The following ZNF705B variants were observed in gnomAD, a reference collection of about 807,000 sequenced individuals.
The protein encoded by ZNF705B is Putative zinc finger protein 705D-like protein LOC100132396.
ZNF705B carries 1 observed loss-of-function variant against 10.5 expected under a neutral mutation model. The observed-to-expected ratio is 0.10, with a 90% CI of 0.03 to 0.45. The LOEUF (loss-of-function observed/expected upper bound fraction) is 0.45, where lower values mean the gene tolerates loss of function less well. ZNF705B is among the 20% of genes least tolerant of loss of function. ZNF705B has a pLI of 0.97. For missense variants in ZNF705B, 14 were observed against 84.0 expected (o/e 0.17, Z 3.26); for synonymous variants, 4 against 25.4 (o/e 0.16, Z 2.53).
Position 7,940,220 on chromosome 8 carries a change from C to T in ZNF705B, c.-71-7131C>T, listed in dbSNP as rs1193334641. Among the ~76,000 whole-genome samples, 40 of 146,114 alleles carry T rather than the reference C, an allele frequency of 2.7e-4. 1 individual carries two copies. Among genetic ancestry groups the T allele is most frequent in the Admixed American group, 4.1e-4 (6 of 14,506 alleles). Reference sequence around the variant, plus strand: ...GAGAAAAAAACAAGGGAACATCTACCCCTCCTTTTAAGTTTTTTAACCAAC... The same window carrying T: ...GAGAAAAAAACAAGGGAACATCTACTCCTCCTTTTAAGTTTTTTAACCAAC... On this transcript the variant is annotated intron_variant, in intron 2 of 6. Transcript: ENST00000400120.
chr8:7,926,883 T>A (rs1188846652), intron 1 of ZNF705B, among the ~76,000 whole-genome samples: 1 of 112,386 alleles, frequency 8.9e-6, no homozygotes, highest in Non-Finnish European at 2.1e-5. Context: ...TCTTTCTTTT[T>A]TAGCAAGAAA....
intron 2 of ZNF705B, among the ~76,000 whole-genome samples, chr8:7,931,228 G>A (rs1299608028): frequency 4.2e-4 from 51 of 121,266 alleles, no homozygotes; most frequent in African/African-American, 9.3e-4. Flanking sequence ...TGTAGCATCA[G>A]CAATTGCAGT....
At chr8:7,941,060 G>T (rs2739922) in intron 2 of ZNF705B, among the ~76,000 whole-genome samples, 3 of 146,342 alleles carry the variant, frequency 2.0e-5, no homozygotes, top group Admixed American at 6.9e-5. Context: ...TGGTGTATAC[G>T]TACCACATTT....
chr8:7,936,756 C>A (rs1380181506), intron 2 of ZNF705B, among the ~76,000 whole-genome samples: 1 of 119,904 alleles, frequency 8.3e-6, no homozygotes, highest in African/African-American at 2.6e-5. Context: ...TGAAAAGCTA[C>A]TCTTTGGGTA....
At chr8:7,934,696 G>GTGTGTGTGTGTGTGTC in intron 2 of ZNF705B, 1 of 32,108 alleles carries the variant, frequency 3.1e-5, no homozygotes, top group African/African-American at 1.1e-4. Context: ...GTGTGTCTGT[G>GTGTGTGTGTGTGTGTC]TGTGTGTGTG....
chr8:7,926,979 A>G (rs533597844), intron 1 of ZNF705B, among the ~76,000 whole-genome samples: 1 of 117,476 alleles, frequency 8.5e-6, no homozygotes, highest in South Asian at 3.0e-4. Flanking sequence ...TGACTTGCTC[A>G]GAGAAAATAT....
chr8:7,929,485 G>A (rs1333434769), intron 1 of ZNF705B, among the ~76,000 whole-genome samples: 1 of 121,010 alleles, frequency 8.3e-6, no homozygotes, highest in African/African-American at 2.5e-5. Flanking sequence ...GGGAAAAAAA[G>A]GCACCAAACC....
chr8:7,932,204 C>G (rs1239858147), intron 2 of ZNF705B, among the ~76,000 whole-genome samples: 4 of 121,222 alleles, frequency 3.3e-5, no homozygotes, highest in African/African-American at 1.0e-4. Flanking sequence ...GAATATGGAC[C>G]ACTGGGGCTC....
chr8:7,948,866 A>G (rs1270057476), intron 3 of ZNF705B, among the ~76,000 whole-genome samples: 1 of 75,830 alleles, frequency 1.3e-5, no homozygotes. Context: ...TGATTAACAC[A>G]TTACTGAAAA....
rs1357085926 is a variant in ZNF705B, at chr8:7,930,834, GTTA to G, written c.-72+401_-72+403del. Among the ~76,000 whole-genome samples, 3 of 90,734 alleles carry G rather than the reference GTTA, an allele frequency of 3.3e-5. 1 individual carries two copies. The highest frequency in any genetic ancestry group is 5.3e-5 in the Non-Finnish European group (2 of 37,790). 59.5% of individuals were successfully genotyped at this position (90,734 alleles called of 152,430 possible). Reference sequence around the variant, plus strand: ...AGACATCACGGCAAAGATGTGTTGTGTTATTTTTTTTGTTTTTTTTTTTGTTGT... The same window carrying G: ...AGACATCACGGCAAAGATGTGTTGTGTTTTTTTTGTTTTTTTTTTTGTTGT... On this transcript the variant is annotated intron_variant, in intron 2 of 6. Transcript: ENST00000400120.
chr8:7,930,817 C>T (rs1311886517), intron 2 of ZNF705B, among the ~76,000 whole-genome samples: 8 of 112,290 alleles, frequency 7.1e-5, no homozygotes, highest in African/African-American at 1.3e-4. Context: ...CCAGACATCA[C>T]GGCAAAGATG....
chr8:7,940,425 T>TA (rs552562431), intron 2 of ZNF705B, among the ~76,000 whole-genome samples: 187 of 130,354 alleles, frequency 1.4e-3, no homozygotes, highest in South Asian at 4.4e-3. Context: ...TTATTATTAT[T>TA]TTTTTTTTTG....
rs1563084016 is a variant in ZNF705B at position 7,944,983 on chromosome 8, AAGAG to A, written c.-71-2356_-71-2353del. Among the ~76,000 whole-genome samples, 4 of 35,770 alleles carry A rather than the reference AAGAG, an allele frequency of 1.1e-4. 1 individual carries two copies. The highest frequency in any genetic ancestry group is 2.0e-4 in the African/African-American group (4 of 19,886). The allele number at this position is 35,770 out of a possible 152,430, so 23.5% of individuals were successfully genotyped here. A position where few individuals can be genotyped will look rare whatever the true frequency, so the allele number is the denominator to read the frequency against. ...GAAACTCTACCAAAAAAAAAAAAAA[AAGAG>A]AGAGAGAGAGACAACTGGAGGGAGA... is the stretch of plus-strand genomic sequence containing the variant. On this transcript the variant is annotated intron_variant, in intron 2 of 6. Coordinates refer to ENST00000400120, the MANE Select transcript of ZNF705B (RefSeq NM_001193630.1).
chr8:7,926,583 G>C (rs1341081020), intron 1 of ZNF705B, among the ~76,000 whole-genome samples, 186 bp downstream of exon 1: 1 of 103,260 alleles, frequency 9.7e-6, no homozygotes, highest in African/African-American at 2.8e-5. Flanking sequence ...ATTTGCTGTG[G>C]TATGAGTGTT....
intron 2 of ZNF705B, among the ~76,000 whole-genome samples, chr8:7,944,845 T>C (rs1820212905): frequency 1.2e-5 from 1 of 86,034 alleles, no homozygotes; most frequent in African/African-American, 3.5e-5. Flanking sequence ...TGGCGCATGC[T>C]TGTCATCCTA....
intron 1 of ZNF705B, among the ~76,000 whole-genome samples, chr8:7,928,893 G>T (rs1819768944): frequency 9.3e-6 from 1 of 107,032 alleles, no homozygotes; most frequent in African/African-American, 2.6e-5. Context: ...TGGGAGCTAG[G>T]GTATGAGTAC....
rs56093011 is a variant in ZNF705B, at chr8:7,940,784, C to T, written c.-71-6567C>T. On this transcript the variant is annotated intron_variant, in intron 2 of 6. Coordinates refer to ENST00000400120, the MANE Select transcript of ZNF705B (RefSeq NM_001193630.1). ...ATGACAGGGTTTCGTTATTATGGAA[C>T]ACTGAACAATATTCCATTGCATATA... 1.5e-5 allele frequency among the ~76,000 whole-genome samples: 2 copies of T among 129,984 alleles called. 1 individual carries two copies. Among genetic ancestry groups the T allele is most frequent in the African/African-American group, 5.3e-5 (2 of 38,046 alleles). 85.3% of individuals were successfully genotyped at this position (129,984 alleles called of 152,430 possible).
At chr8:7,936,336 AC>A (rs1192288793) in intron 2 of ZNF705B, among the ~76,000 whole-genome samples, 1 of 119,830 alleles carries the variant, frequency 8.3e-6, no homozygotes, top group African/African-American at 2.5e-5. Flanking sequence ...GAAACTTAAT[AC>A]AGAACTACCA....
At chr8:7,931,585 G>A (rs1479832987) in intron 2 of ZNF705B, among the ~76,000 whole-genome samples, 1 of 122,112 alleles carries the variant, frequency 8.2e-6, no homozygotes, top group African/African-American at 2.5e-5. Flanking sequence ...ACGACCTTGG[G>A]TAGTGGTAGT....
Sources: allele counts gnomAD v4.1 joint callset (sites outside exome capture counted in the v4.1 genomes callset), GRCh38; gene constraint gnomAD v4.1.1; transcripts MANE v1.5; gene names NCBI Gene and HGNC (gene_info 2026-07-23, HGNC 2026-07-21).